Variants in SMAD1 observed in about 807,000 individuals in gnomAD.
The protein encoded by SMAD1 is MAD, mothers against decapentaplegic homolog 1.
Under a neutral mutation model 41.6 loss-of-function variants are expected in SMAD1, and 6 were observed. That is an observed-to-expected ratio of 0.14 (90% confidence interval 0.08 to 0.28). The LOEUF (loss-of-function observed/expected upper bound fraction) is 0.28, where lower values mean the gene tolerates loss of function less well. SMAD1 is among the 10% of genes least tolerant of loss of function. The pLI is 1.00. For missense variants in SMAD1, 379 were observed against 582.6 expected, an observed-to-expected ratio of 0.65 and a Z score of 3.60; for synonymous variants, 206 against 203.2, an observed-to-expected ratio of 1.01 and a Z score of -0.12.
At chr4:145,542,764 C>A in intron 4 of SMAD1, 66 bp downstream of exon 4, 1 of 1,089,892 alleles carries the variant, frequency 9.2e-7, no homozygotes, top group Non-Finnish European at 1.4e-6. Context: ...TACTTTCTCT[C>A]ACAAATTTTT....
At chr4:145,493,152 G>T (rs1021927953) in intron 1 of SMAD1, among the ~76,000 whole-genome samples, 2 of 152,194 alleles carry the variant, frequency 1.3e-5, no homozygotes, top group Non-Finnish European at 2.9e-5. Flanking sequence ...GTTGTGACTG[G>T]GAGTACGGGC....
chr4:145,511,060 ACT>A (rs1311989947), intron 1 of SMAD1, among the ~76,000 whole-genome samples: 1 of 150,984 alleles, frequency 6.6e-6, no homozygotes, highest in Non-Finnish European at 1.5e-5. Context: ...ATATTTTTCC[ACT>A]CTCTTGCTTT....
intron 1 of SMAD1, among the ~76,000 whole-genome samples, chr4:145,506,475 A>G (rs1004240118): frequency 1.3e-5 from 2 of 152,164 alleles, no homozygotes; most frequent in African/African-American, 4.8e-5. Flanking sequence ...GAATAATACA[A>G]TTATTCCCTC....
At chr4:145,527,305 G>C (rs938003013) in intron 2 of SMAD1, among the ~76,000 whole-genome samples, 2 of 150,868 alleles carry the variant, frequency 1.3e-5, no homozygotes, top group Admixed American at 6.6e-5. Context: ...CTCACTGCGA[G>C]CTCCGCCTCC....
intron 2 of SMAD1, among the ~76,000 whole-genome samples, chr4:145,536,653 A>G (rs747316314): frequency 2.1e-4 from 32 of 152,212 alleles, no homozygotes; most frequent in Admixed American, 7.2e-4. Context: ...AATGGAGTTA[A>G]AGAAAATTCA....
chr4:145,547,226 C>T (rs190849673), intron 5 of SMAD1, among the ~76,000 whole-genome samples: 1 of 152,246 alleles, frequency 6.6e-6, no homozygotes, highest in East Asian at 1.9e-4. Context: ...AAATGAATCA[C>T]AACCTAAAAT....
intron 2 of SMAD1, among the ~76,000 whole-genome samples, chr4:145,519,532 A>G (rs1730620724): frequency 1.3e-5 from 2 of 150,324 alleles, no homozygotes; most frequent in Non-Finnish European, 2.9e-5. Context: ...GCATGTGCCT[A>G]TAGTCCTACC....
chr4:145,524,462 T>C (rs1309506917), intron 2 of SMAD1, among the ~76,000 whole-genome samples: 1 of 152,224 alleles, frequency 6.6e-6, no homozygotes, highest in Non-Finnish European at 1.5e-5. Flanking sequence ...TAAGTTGTTA[T>C]ACATCGATGG....
At chr4:145,489,558 A>G (rs1365881467) in intron 1 of SMAD1, among the ~76,000 whole-genome samples, 1 of 152,258 alleles carries the variant, frequency 6.6e-6, no homozygotes, top group Admixed American at 6.5e-5. Flanking sequence ...TCGGAGATAT[A>G]TCCTTAAGTT....
intron 5 of SMAD1, among the ~76,000 whole-genome samples, chr4:145,551,199 G>C (rs1018175973): frequency 6.6e-6 from 1 of 152,148 alleles, no homozygotes; most frequent in Non-Finnish European, 1.5e-5. Context: ...AGACTATACT[G>C]TTATAAAAAT....
chr4:145,516,960 A>G (rs1346286387), intron 2 of SMAD1: 1 of 152,188 alleles, frequency 6.6e-6, no homozygotes, highest in Non-Finnish European at 1.5e-5. Context: ...CACTATTTAA[A>G]AGACACTATG....
rs540618901 is a variant in SMAD1, at chr4:145,553,769, T to C, written c.998-15T>C. On this transcript the variant is annotated splice_polypyrimidine_tract_variant and intron_variant, in intron 5 of 6. Coordinates refer to ENST00000302085, the MANE Select transcript of SMAD1 (RefSeq NM_005900.3). The stretch of plus-strand genomic sequence containing the variant: ...AATTAATAATAACTAAATGGTATGC[T>C]TTGTCTTCCTATAGGAGTTCATCTT... The C allele has an allele frequency of 6.2e-7, 1 of 1,609,856 alleles. No individual in the cohort carries two copies. The highest frequency in any genetic ancestry group is 2.2e-5 in the East Asian group (1 of 44,798).
rs1334512163 is a variant in SMAD1, at chr4:145,519,674, T to C, written c.400+4661T>C. On this transcript the variant is annotated intron_variant, in intron 2 of 6. Transcript: ENST00000302085. ...ATCAAAAAAAAAAAAAAACCCACTT[T>C]TTTAGCAATTTTGAAATATACAATG... Among the ~76,000 whole-genome samples the C allele has an allele frequency of 4.6e-5, 7 of 151,864 alleles. No individual in the cohort carries two copies. The East Asian group carries it at 1.4e-3, about 29-fold the overall frequency.
intron 6 of SMAD1, among the ~76,000 whole-genome samples, chr4:145,554,416 T>C (rs1353866306): frequency 6.6e-6 from 1 of 152,204 alleles, no homozygotes; most frequent in Non-Finnish European, 1.5e-5. Flanking sequence ...CATTCTTTGT[T>C]TTTTGTACTT....
At chr4:145,526,316 C>G (rs1731016617) in intron 2 of SMAD1, among the ~76,000 whole-genome samples, 1 of 152,184 alleles carries the variant, frequency 6.6e-6, no homozygotes, top group Non-Finnish European at 1.5e-5. Flanking sequence ...CCTATCAGTT[C>G]TAGCTAGCTA....
rs116957844 is a variant in SMAD1 at position 145,507,068 on chromosome 4, A to G, written c.-176-7370A>G. 9.0e-4 allele frequency among the ~76,000 whole-genome samples: 137 copies of G among 152,182 alleles called. 1 individual carries two copies. The East Asian group carries it at 0.026, about 29-fold the overall frequency. On this transcript the variant is annotated intron_variant, in intron 1 of 6. Coordinates refer to ENST00000302085, the MANE Select transcript of SMAD1 (RefSeq NM_005900.3). ...TTCTGAGTTCAGAACACTGCTTTAA[A>G]CTACATTATATTTTTTTTGCTTCTC...
chr4:145,553,596 C>T (rs970401104), intron 5 of SMAD1, among the ~76,000 whole-genome samples, 188 bp from the exon 6 acceptor site: 34 of 152,138 alleles, frequency 2.2e-4, no homozygotes, highest in Non-Finnish European at 1.5e-5. Flanking sequence ...TTCTAACAGG[C>T]CACGGACTGA....
intron 5 of SMAD1, among the ~76,000 whole-genome samples, chr4:145,547,601 T>A (rs1408809338): frequency 6.6e-6 from 1 of 152,208 alleles, no homozygotes; most frequent in Non-Finnish European, 1.5e-5. Context: ...TAAACTTGAT[T>A]ATTTCATAGC....
chr4:145,553,374 G>C (rs189099398), intron 5 of SMAD1, among the ~76,000 whole-genome samples: 1 of 152,252 alleles, frequency 6.6e-6, no homozygotes, highest in Admixed American at 6.5e-5. Flanking sequence ...TTCCACAGGG[G>C]ATGGGAAAGG....
Sources: allele counts gnomAD v4.1 joint callset (sites outside exome capture counted in the v4.1 genomes callset), GRCh38; gene constraint gnomAD v4.1.1; transcripts MANE v1.5; gene names NCBI Gene and HGNC (gene_info 2026-07-23, HGNC 2026-07-21).